TASP1: variants seen among roughly 807,000 people sequenced by gnomAD.
TASP1 encodes the protein taspase 1.
In TASP1, 16 loss-of-function variants were observed where a neutral mutation model predicts 56.6. That is an observed-to-expected ratio of 0.28 (90% confidence interval 0.19 to 0.43). The LOEUF is 0.43. TASP1 is among the 20% of genes least tolerant of loss of function. The pLI is 1.00. For synonymous variants in TASP1, 179 were observed against 184.2 expected, an observed-to-expected ratio of 0.97 and a Z score of 0.23; for missense variants, 393 against 511.6, an observed-to-expected ratio of 0.77 and a Z score of 2.24.
intron 9 of TASP1, among the ~76,000 whole-genome samples, chr20:13,530,345 C>T (rs189359167): frequency 2.2e-4 from 34 of 152,286 alleles, no homozygotes; most frequent in East Asian, 1.5e-3. Context: ...GACAACACCA[C>T]GCTTCTAAAA....
chr20:13,376,525 T>C, the TASP1 span, among the ~76,000 whole-genome samples: 1 of 152,228 alleles, frequency 6.6e-6, no homozygotes, highest in African/African-American at 2.4e-5. Context: ...TCCAGCTTTG[T>C]TCTTTTTGCT....
chr20:13,175,083 C>T, the TASP1 span, among the ~76,000 whole-genome samples: 1 of 152,176 alleles, frequency 6.6e-6, no homozygotes, highest in African/African-American at 2.4e-5. Context: ...GTCAATTATA[C>T]TCTTTCCTTT....
chr20:13,346,482 G>A, the TASP1 span, among the ~76,000 whole-genome samples: 1 of 152,208 alleles, frequency 6.6e-6, no homozygotes, highest in Non-Finnish European at 1.5e-5. Flanking sequence ...TGAGCCCACA[G>A]CCAATGAGCC....
chr20:13,139,403 C>G, the TASP1 span, among the ~76,000 whole-genome samples: 1 of 152,222 alleles, frequency 6.6e-6, no homozygotes, highest in East Asian at 1.9e-4. Flanking sequence ...TCATTTTTTC[C>G]TAACATAAAG....
At chr20:13,356,084 G>A in the TASP1 span, among the ~76,000 whole-genome samples, 1 of 152,174 alleles carries the variant, frequency 6.6e-6, no homozygotes, top group Non-Finnish European at 1.5e-5. Context: ...ATATTTGGCA[G>A]GAGAGCTAAG....
At chr20:13,417,364 A>G in intron 13 of TASP1, 84 bp downstream of exon 13, 1 of 1,474,314 alleles carries the variant, frequency 6.8e-7, no homozygotes, top group Non-Finnish European at 9.3e-7. Context: ...AAGCTGAAAA[A>G]ATTCATCCAC....
the TASP1 span, among the ~76,000 whole-genome samples, chr20:13,135,000 T>C: frequency 6.6e-6 from 1 of 152,176 alleles, no homozygotes; most frequent in African/African-American, 2.4e-5. Context: ...CTCACAACAG[T>C]CACTCCCTAA....
chr20:13,379,041 G>A, the TASP1 span, among the ~76,000 whole-genome samples: 20 of 152,168 alleles, frequency 1.3e-4, 1 homozygote, highest in South Asian at 2.3e-3. Flanking sequence ...TTGCCTCTCC[G>A]TGTCTTTTAA....
chr20:13,117,451 C>G, the TASP1 span: 1 of 1,478,374 alleles, frequency 6.8e-7, no homozygotes, highest in African/African-American at 1.4e-5. Flanking sequence ...GGGAAACTGA[C>G]AGAGCTTCCC....
intron 11 of TASP1, among the ~76,000 whole-genome samples, chr20:13,465,759 C>T (rs573359310): frequency 3.8e-5 from 5 of 132,120 alleles, no homozygotes; most frequent in African/African-American, 1.4e-4. Context: ...TGAATGATTC[C>T]ATCTATATAA....
chr20:13,110,223 TA>T, the TASP1 span: 5 of 1,610,994 alleles, frequency 3.1e-6, no homozygotes, highest in East Asian at 2.2e-5. Flanking sequence ...TACAGGTATG[TA>T]AATAACAGGA....
the TASP1 span, chr20:13,133,144 T>G: frequency 6.6e-6 from 1 of 151,708 alleles, no homozygotes; most frequent in East Asian, 2.0e-4. Context: ...TCTTCCTCTC[T>G]TTTCTGCCAG....
the TASP1 span, among the ~76,000 whole-genome samples, chr20:13,194,108 T>C: frequency 7.9e-5 from 12 of 152,214 alleles, no homozygotes; most frequent in Non-Finnish European, 1.6e-4. Flanking sequence ...TCATTAGTTT[T>C]GTTTTTTCTT....
the TASP1 span, among the ~76,000 whole-genome samples, chr20:13,371,597 T>G: frequency 6.6e-6 from 1 of 152,186 alleles, no homozygotes; most frequent in Admixed American, 6.5e-5. Context: ...GAATGTTCCT[T>G]GTGCACTTGA....
chr20:13,358,649 C>T, the TASP1 span, among the ~76,000 whole-genome samples: 794 of 149,558 alleles, frequency 5.3e-3, 14 homozygotes, highest in African/African-American at 0.019. Context: ...GCGCCAGTCA[C>T]GGACTGGGAA....
chr20:13,189,103 G>A, the TASP1 span, among the ~76,000 whole-genome samples: 1 of 152,172 alleles, frequency 6.6e-6, no homozygotes, highest in Admixed American at 6.5e-5. Flanking sequence ...AATCTGCTGG[G>A]ATTCTGGGGA....
At chr20:13,341,534 G>A in the TASP1 span, among the ~76,000 whole-genome samples, 9 of 152,160 alleles carry the variant, frequency 5.9e-5, no homozygotes, top group Middle Eastern at 3.4e-3. Flanking sequence ...GAAAACGTGA[G>A]CTTGAAAAAG....
the TASP1 span, among the ~76,000 whole-genome samples, chr20:13,202,370 G>A: frequency 6.6e-6 from 1 of 152,190 alleles, no homozygotes; most frequent in Admixed American, 6.5e-5. Context: ...AAAATGTAAA[G>A]AGGAAATAAG....
intron 6 of TASP1, 27 bp downstream of exon 6, chr20:13,580,870 G>T (rs769407513): frequency 1.2e-6 from 2 of 1,610,950 alleles, no homozygotes; most frequent in Admixed American, 1.7e-5. Flanking sequence ...TAAAGACAGG[G>T]AAAGTCAGGA....
Sources: allele counts gnomAD v4.1 joint callset (sites outside exome capture counted in the v4.1 genomes callset), GRCh38; gene constraint gnomAD v4.1.1; transcripts MANE v1.5; gene names NCBI Gene and HGNC (gene_info 2026-07-23, HGNC 2026-07-21).